Variants in ANK3 observed in about 807,000 individuals in gnomAD.
ANK3 encodes the protein ankyrin-3.
Under a neutral mutation model 370.9 loss-of-function variants are expected in ANK3, and 57 were observed. The observed-to-expected ratio is 0.15, with a 90% CI of 0.12 to 0.19. The LOEUF is 0.19. Ranked by LOEUF, ANK3 falls within the 10% of genes least tolerant of loss-of-function variation. ANK3 has a pLI of 1.00. For missense variants in ANK3, 4,439 were observed against 5,302.1 expected (o/e 0.84, Z 5.06); for synonymous variants, 1,929 against 1,946.3 (o/e 0.99, Z 0.23).
chr10:60,251,539 C>T (rs1392645226), intron 7 of ANK3, among the ~76,000 whole-genome samples: 2 of 152,192 alleles, frequency 1.3e-5, no homozygotes, highest in Non-Finnish European at 2.9e-5. Context: ...ACTGTGACAA[C>T]CAAAAATTCC....
intron 40 of ANK3, chr10:60,062,758 ACG>A (rs1384365149): frequency 3.7e-5 from 6 of 162,490 alleles, no homozygotes; most frequent in African/African-American, 1.4e-4. Flanking sequence ...TTACCTATAT[ACG>A]AATAAAAGAG....
intron 43 of ANK3, among the ~76,000 whole-genome samples, chr10:60,032,321 C>G (rs908143680): frequency 6.8e-6 from 1 of 147,894 alleles, no homozygotes; most frequent in African/African-American, 2.5e-5. Flanking sequence ...ATTCTCCTGT[C>G]TCAGTCTCCC....
intron 1 of ANK3, among the ~76,000 whole-genome samples, chr10:60,704,620 A>G (rs2079589372): frequency 6.6e-6 from 1 of 152,228 alleles, no homozygotes; most frequent in Admixed American, 6.5e-5. Flanking sequence ...ACCTTTCCCA[A>G]CAAAGAAACA....
intron 1 of ANK3, among the ~76,000 whole-genome samples, chr10:60,689,036 T>C (rs556715808): frequency 1.3e-5 from 2 of 152,286 alleles, no homozygotes; most frequent in African/African-American, 4.8e-5. Flanking sequence ...TATGTAATGC[T>C]GACTTTGTTT....
rs980252357 is a variant in ANK3, at chr10:60,666,990, G to A, written c.58-51766C>T. Among the ~76,000 whole-genome samples the A allele has an allele frequency of 2.6e-5, 4 of 151,790 alleles. No homozygotes were observed. In the East Asian group the frequency reaches 7.7e-4, roughly 29 times the overall value. Reference sequence around the variant, plus strand: ...GGATGCCTGTTAAAATTAAATATCAGGTGAACAATGAATTCTTCATATAAG... The same window carrying A: ...GGATGCCTGTTAAAATTAAATATCAAGTGAACAATGAATTCTTCATATAAG... On this transcript the variant is annotated intron_variant, in intron 1 of 43. Coordinates refer to the ANK3 transcript ENST00000373827.
intron 2 of ANK3, among the ~76,000 whole-genome samples, chr10:60,418,118 G>T (rs928318739): frequency 2.0e-5 from 3 of 152,096 alleles, no homozygotes; most frequent in Non-Finnish European, 2.9e-5. Context: ...TCCTGAGATG[G>T]ACTATTGCAG....
chr10:60,051,781 G>T (rs2078077244), intron 42 of ANK3, among the ~76,000 whole-genome samples: 1 of 113,780 alleles, frequency 8.8e-6, no homozygotes, highest in Non-Finnish European at 1.8e-5. Context: ...AAATTACTCT[G>T]TGCATGTGTG....
At chr10:60,403,377 A>G (rs1323293559) in intron 2 of ANK3, among the ~76,000 whole-genome samples, 1 of 152,178 alleles carries the variant, frequency 6.6e-6, no homozygotes, top group African/African-American at 2.4e-5. Context: ...CAAACCTAGT[A>G]AGCAAATTAC....
At chr10:60,259,066 G>A (rs1051715338) in intron 7 of ANK3, among the ~76,000 whole-genome samples, 2 of 152,148 alleles carry the variant, frequency 1.3e-5, no homozygotes, top group African/African-American at 4.8e-5. Flanking sequence ...TGCTATTTCT[G>A]TTACCTTCTT....
At chr10:60,354,470 A>G (rs2057418921) in intron 1 of ANK3, among the ~76,000 whole-genome samples, 1 of 152,262 alleles carries the variant, frequency 6.6e-6, no homozygotes, top group Non-Finnish European at 1.5e-5. Flanking sequence ...AAAAAGACAG[A>G]TACTATCTTC....
intron 35 of ANK3, among the ~76,000 whole-genome samples, chr10:60,081,111 G>T (rs576976017): frequency 1.3e-5 from 2 of 152,114 alleles, no homozygotes; most frequent in Non-Finnish European, 1.5e-5. Context: ...GGTAGGGACG[G>T]AGTCTTGCTC....
At chr10:60,718,171 G>C (rs1245064541) in intron 1 of ANK3, among the ~76,000 whole-genome samples, 1 of 152,182 alleles carries the variant, frequency 6.6e-6, no homozygotes, top group Non-Finnish European at 1.5e-5. Flanking sequence ...TACATACTAA[G>C]TTAGGTTGCA....
intron 2 of ANK3, among the ~76,000 whole-genome samples, chr10:60,459,342 C>A (rs757322194): frequency 2.0e-5 from 3 of 152,108 alleles, no homozygotes; most frequent in Non-Finnish European, 4.4e-5. Flanking sequence ...ATTTCAAAAC[C>A]CTGTATGATC....
At chr10:60,314,576 T>C (rs2047020885) in intron 1 of ANK3, among the ~76,000 whole-genome samples, 1 of 152,176 alleles carries the variant, frequency 6.6e-6, no homozygotes. Context: ...AGGATAAGCG[T>C]ATTTCTGTGG....
chr10:60,345,086 T>C (rs1228517997), intron 1 of ANK3, among the ~76,000 whole-genome samples: 2 of 75,758 alleles, frequency 2.6e-5, no homozygotes, highest in African/African-American at 6.5e-5. Flanking sequence ...CAGCAGCCAA[T>C]ATTGTGAAAC....
rs186892622 is a variant in ANK3 at position 60,279,647 on chromosome 10, A to G, written c.115-8T>C. On this transcript the variant is annotated splice_polypyrimidine_tract_variant and splice_region_variant and intron_variant, in intron 1 of 43. Transcript: ENST00000280772. ...ACTTGCATTGGCATCAGACTAAAATAAAAAAGAAACACATTTTGATGAAAA... is the reference window on the plus strand; with the variant it reads ...ACTTGCATTGGCATCAGACTAAAATGAAAAAGAAACACATTTTGATGAAAA... 3.1e-6 allele frequency: 5 copies of G among 1,603,874 alleles called. No individual in the cohort carries two copies. The African/African-American group carries it at 6.7e-5, about 22-fold the overall frequency.
chr10:60,072,977 A>C lies in ANK3; in HGVS notation c.7904T>G (p.Leu2635Arg). 1 of 1,614,122 alleles carries C rather than the reference A, an allele frequency of 6.2e-7. No individual in the cohort carries two copies. The highest frequency in any genetic ancestry group is 8.5e-7 in the Non-Finnish European group (1 of 1,180,014). Residue 2635 changes from leucine to arginine, a missense_variant, in exon 37 of 44, where the codon CTA (leucine) becomes CGA (arginine). Physicochemically the swap from Leu to Arg is moderately radical, Grantham distance 102. Around this residue, in one of 13 missense-constraint regions of ANK3, gnomAD observed 1,601 missense variants for 1,731.7 expected, o/e 0.92. Coordinates refer to ENST00000280772, the MANE Select transcript of ANK3 (RefSeq NM_020987.5). ...ATTGGATGCCAGCAGTTCTGTCAGT[A>C]GCACTTTCTCAGGGCTGCTACTGGT... is the stretch of plus-strand genomic sequence containing the variant. ...SPTSSSPEKV[L>R]LTELLASNDE...
intron 1 of ANK3, among the ~76,000 whole-genome samples, chr10:60,284,593 C>T (rs1349049533): frequency 6.6e-6 from 1 of 152,052 alleles, no homozygotes; most frequent in Admixed American, 6.6e-5. Flanking sequence ...GTTCATTTTC[C>T]ATCAGTTCAT....
At chr10:60,204,947 C>T (rs537484355) in intron 11 of ANK3, among the ~76,000 whole-genome samples, 1 of 152,174 alleles carries the variant, frequency 6.6e-6, no homozygotes, top group East Asian at 1.9e-4. Flanking sequence ...GGGTGTGACA[C>T]ACAGAGGCAG....
Sources: allele counts gnomAD v4.1 joint callset (sites outside exome capture counted in the v4.1 genomes callset), GRCh38; gene constraint gnomAD v4.1.1; regional missense constraint gnomAD v4.1.1; transcripts MANE v1.5; gene names NCBI Gene and HGNC (gene_info 2026-07-23, HGNC 2026-07-21).